DNAH11: variants seen among roughly 807,000 people sequenced by gnomAD.
DNAH11 encodes the protein axonemal beta dynein heavy chain 11.
DNAH11 carries 442 observed loss-of-function variants against 526.0 expected under a neutral mutation model. The ratio of observed to expected loss-of-function variants is 0.84; its 90% CI spans 0.78 to 0.91. The LOEUF (loss-of-function observed/expected upper bound fraction) is 0.91. Ranked by LOEUF, DNAH11 falls within the 40% of genes least tolerant of loss-of-function variation. The probability of loss-of-function intolerance (pLI) is 0.00; values close to 1 mark genes in which losing one functional copy is unlikely to be tolerated. For missense variants in DNAH11, 6,989 were observed against 5,448.7 expected (o/e 1.28, Z -8.90); for synonymous variants, 2,461 against 1,935.9 (o/e 1.27, Z -7.12).
chr7:21,808,751 A>G (rs1789382151), intron 63 of DNAH11, among the ~76,000 whole-genome samples: 1 of 152,182 alleles, frequency 6.6e-6, no homozygotes, highest in Non-Finnish European at 1.5e-5. Flanking sequence ...TCCATTGTGC[A>G]TGTATATCAT....
At position 21,606,426 on chromosome 7, in the gene DNAH11, G is replaced by T; in HGVS notation, c.3649G>T (p.Glu1217Ter). ...CGCATTTGTGCCTTTGCTTTTGCAGGAATTACCTGAAAGATGGGAAACTAC... is the reference window on the plus strand; with the variant it reads ...CGCATTTGTGCCTTTGCTTTTGCAGTAATTACCTGAAAGATGGGAAACTAC... ...MPEQVYIQLE[E>*]LPERWETTKK... The change falls in exon 19 of 82, where the codon GAA becomes TAA. Residue 1217 changes from glutamate (E) to a stop codon, truncating the protein, a stop_gained and splice_region_variant. Coordinates refer to ENST00000409508, the MANE Select transcript of DNAH11 (RefSeq NM_001277115.2). LOFTEE classifies it high-confidence loss of function. 6.2e-7 allele frequency: 1 copy of T among 1,605,874 alleles called. No homozygotes were observed. Among genetic ancestry groups the T allele is most frequent in the Non-Finnish European group, 8.5e-7 (1 of 1,177,320 alleles).
At chr7:21,693,284 C>T (rs992599447) in intron 35 of DNAH11, among the ~76,000 whole-genome samples, 1 of 152,182 alleles carries the variant, frequency 6.6e-6, no homozygotes, top group African/African-American at 2.4e-5. Context: ...TTTTCAAATG[C>T]TAAACAGTCC....
chr7:21,856,769 A>T (rs570888303), intron 68 of DNAH11, among the ~76,000 whole-genome samples: 2 of 117,904 alleles, frequency 1.7e-5, no homozygotes, highest in African/African-American at 3.4e-5. Flanking sequence ...AACTTGAAAA[A>T]TTTCAACAAA....
chr7:21,636,826 G>A (rs770847436), intron 26 of DNAH11, among the ~76,000 whole-genome samples: 9 of 152,148 alleles, frequency 5.9e-5, no homozygotes, highest in Non-Finnish European at 1.3e-4. Context: ...ATAGATTGCC[G>A]ACCTTTGTGG....
At chr7:21,803,205 T>A (rs1386557816) in intron 62 of DNAH11, among the ~76,000 whole-genome samples, 1 of 152,148 alleles carries the variant, frequency 6.6e-6, no homozygotes, top group Admixed American at 6.5e-5. Flanking sequence ...CTATTAGAAA[T>A]GCATTTGGCT....
chr7:21,844,303 G>A (rs867463049), intron 66 of DNAH11, among the ~76,000 whole-genome samples: 2 of 152,150 alleles, frequency 1.3e-5, no homozygotes, highest in Admixed American at 6.5e-5. Flanking sequence ...GTGTGCAACC[G>A]TAGCCGCAGC....
At chr7:21,646,396 G>T (rs1787358444) in intron 28 of DNAH11, among the ~76,000 whole-genome samples, 1 of 152,172 alleles carries the variant, frequency 6.6e-6, no homozygotes, top group South Asian at 2.1e-4. Flanking sequence ...CACAGGTGAG[G>T]AACAAATGGA....
At chr7:21,691,753 A>C (rs888329630) in intron 35 of DNAH11, among the ~76,000 whole-genome samples, 3 of 152,274 alleles carry the variant, frequency 2.0e-5, no homozygotes, top group Admixed American at 2.0e-4. Flanking sequence ...ATATCATTTT[A>C]TGTAGCTCTA....
Position 21,617,672 on chromosome 7 carries a change from G to T in DNAH11, c.4149G>T (p.Leu1383=). Residue 1383 remains leucine (L), a synonymous_variant, in exon 23 of 82, where the codon CTG becomes CTT. Coordinates refer to ENST00000409508, the MANE Select transcript of DNAH11 (RefSeq NM_001277115.2). ...EVRVWDAYTG[L]EGTVKDMTAS... ...GCGTCTGGGATGCTTACACGGGCCTGGAAGGCACAGTTAAGGACATGACAG... is the reference window on the plus strand; with the variant it reads ...GCGTCTGGGATGCTTACACGGGCCTTGAAGGCACAGTTAAGGACATGACAG... 2 of 1,613,868 alleles carry T rather than the reference G, an allele frequency of 1.2e-6. No homozygotes were observed. The highest frequency in any genetic ancestry group is 1.7e-6 in the Non-Finnish European group (2 of 1,179,834).
chr7:21,672,310 G>A (rs1458081821), intron 30 of DNAH11, among the ~76,000 whole-genome samples: 1 of 152,202 alleles, frequency 6.6e-6, no homozygotes, highest in Non-Finnish European at 1.5e-5. Context: ...CTAAGAGAGT[G>A]TGTCTCGCTC....
chr7:21,620,138 G>C, intron 25 of DNAH11, 60 bp downstream of exon 25: 1 of 1,313,108 alleles, frequency 7.6e-7, no homozygotes, highest in Non-Finnish European at 1.0e-6. Flanking sequence ...ACAAATAATT[G>C]TATATATAGG....
chr7:21,614,823 A>G (rs1785689953), intron 20 of DNAH11, among the ~76,000 whole-genome samples: 1 of 152,212 alleles, frequency 6.6e-6, no homozygotes, highest in South Asian at 2.1e-4. Flanking sequence ...TACAAAAACC[A>G]AGAGGAAAAA....
At chr7:21,688,898 T>A (rs1037764066) in intron 34 of DNAH11, among the ~76,000 whole-genome samples, 4 of 152,200 alleles carry the variant, frequency 2.6e-5, no homozygotes, top group African/African-American at 9.6e-5. Flanking sequence ...CAGGGCAATC[T>A]TATTTATCTG....
At position 21,883,161 on chromosome 7, in the gene DNAH11, A is replaced by G. The variant is rs145035288; in HGVS notation, c.12388-1130A>G. On this transcript the variant is annotated intron_variant, in intron 75 of 81. Coordinates refer to ENST00000409508, the MANE Select transcript of DNAH11 (RefSeq NM_001277115.2). ...TAAACTTGTAGAAAAGTACATTGGC[A>G]TAGTTGAAGCAATTTTACTTGTTCT... is the stretch of plus-strand genomic sequence containing the variant. Among the ~76,000 whole-genome samples, 873 of 152,364 alleles carry G rather than the reference A, an allele frequency of 5.7e-3. 10 individuals carry two copies. Among genetic ancestry groups the G allele is most frequent in the Non-Finnish European group, 8.0e-3 (545 of 68,038 alleles).
chr7:21,850,281 G>A (rs1253347920), intron 66 of DNAH11, among the ~76,000 whole-genome samples: 13 of 150,704 alleles, frequency 8.6e-5, no homozygotes, highest in South Asian at 4.2e-4. Context: ...GCGTGAACCC[G>A]GGAGGCGGAG....
Position 21,606,724 on chromosome 7 carries a change from G to A in DNAH11, c.3843G>A (p.Ala1281=), listed in dbSNP as rs374551688. The change falls in exon 20 of 82, where the codon GCG becomes GCA. Residue 1281 remains alanine, a synonymous_variant. Transcript: ENST00000409508. ...LGFNAENPYT[A]LDKANEELEA... is the part of the protein sequence containing the mutation. ...TTAATGCAGAAAATCCATACACAGC[G>A]CTTGATAAGGTAATACAGATCTCAA... The A allele has an allele frequency of 3.9e-5, 63 of 1,606,940 alleles. No individual in the cohort carries two copies. Among genetic ancestry groups the A allele is most frequent in the East Asian group, 2.2e-4 (10 of 44,618 alleles).
rs72657389 is a variant in DNAH11 at position 21,789,251 on chromosome 7, A to T, written c.9935A>T (p.Asp3312Val). The change falls in exon 61 of 82, where the codon GAT (aspartate) becomes GTT (valine). Residue 3312 changes from aspartate (D) to valine (V), a missense_variant. Coordinates refer to ENST00000409508, the MANE Select transcript of DNAH11 (RefSeq NM_001277115.2). ...NIIKFYEVYC[D>V]VEPKRQALAQ... ...TTCATGAATTTTCAGGTCTACTGTGATGTGGAGCCAAAACGCCAAGCATTA... is the reference window on the plus strand; with the variant it reads ...TTCATGAATTTTCAGGTCTACTGTGTTGTGGAGCCAAAACGCCAAGCATTA... 3.3e-3 allele frequency: 5,159 copies of T among 1,569,876 alleles called. 14 individuals carry two copies. Among genetic ancestry groups the T allele is most frequent in the Middle Eastern group, 4.0e-3 (24 of 6,016 alleles).
chr7:21,739,922 A>T (rs1038927473), intron 48 of DNAH11, among the ~76,000 whole-genome samples: 9 of 152,260 alleles, frequency 5.9e-5, no homozygotes, highest in African/African-American at 1.9e-4. Context: ...GTACTCTCTT[A>T]ATGCCCCCAC....
intron 63 of DNAH11, 43 bp downstream of exon 63, chr7:21,808,092 A>T: frequency 3.0e-6 from 4 of 1,348,610 alleles, no homozygotes; most frequent in South Asian, 2.4e-5. Context: ...GAAAGATCAC[A>T]TTGAAATTTC....
Sources: gnomAD v4.1 joint callset for allele counts (sites outside exome capture counted in the v4.1 genomes callset) on GRCh38, gnomAD v4.1.1 for gene constraint, MANE v1.5 for transcripts, NCBI Gene and HGNC (gene_info 2026-07-23, HGNC 2026-07-21) for gene names.